The following PCDHGB7 variants were observed in gnomAD, a reference collection of about 807,000 sequenced individuals.
The protein encoded by PCDHGB7 is protocadherin gamma subfamily B, 7, also known as protocadherin gamma-B7.
In PCDHGB7, 37 loss-of-function variants were observed where a neutral mutation model predicts 61.4. That is an observed-to-expected ratio of 0.60 (90% CI 0.46 to 0.79). The LOEUF is 0.79. Among genes scored for constraint, PCDHGB7 ranks in the 30% least tolerant of loss-of-function variants. The probability of loss-of-function intolerance (pLI) is 0.00; values close to 1 mark genes in which losing one functional copy is unlikely to be tolerated. For missense variants in PCDHGB7, 1,166 were observed against 1,202.5 expected, an observed-to-expected ratio of 0.97 and a Z score of 0.45; for synonymous variants, 464 against 503.5, an observed-to-expected ratio of 0.92 and a Z score of 1.05.
intron 1 of PCDHGB7, among the ~76,000 whole-genome samples, chr5:141,448,768 G>A (rs544426582): frequency 1.3e-5 from 2 of 151,632 alleles, no homozygotes; most frequent in Non-Finnish European, 2.9e-5. Flanking sequence ...GTGAAACCCC[G>A]TCTGTACTAA....
intron 1 of PCDHGB7, chr5:141,428,181 AG>A (rs776102500): frequency 6.7e-7 from 1 of 1,486,230 alleles, no homozygotes; most frequent in Admixed American, 1.8e-5. Context: ...GACGGAGGAC[AG>A]CCGCCGCTCT....
chr5:141,500,005 G>A (rs994274763), intron 2 of PCDHGB7, among the ~76,000 whole-genome samples: 30 of 151,476 alleles, frequency 2.0e-4, no homozygotes, highest in Non-Finnish European at 3.8e-4. Context: ...TCTTTCATAA[G>A]GTCCACATTT....
At chr5:141,426,916 A>T (rs1227752756) in intron 1 of PCDHGB7, 2 of 456,618 alleles carry the variant, frequency 4.4e-6, no homozygotes, top group Non-Finnish European at 4.4e-6. Context: ...CTGGTCCTGG[A>T]AGCAATGGAC....
Position 141,507,906 on chromosome 5 carries a change from G to A in PCDHGB7, c.2563+2425G>A, listed in dbSNP as rs2099864753. ...AGAGAGGTTCCTGAAGTCCAGCCCA[G>A]CCAGGCCTGTGGGGCTGCTGAGAGG... On this transcript the variant is annotated intron_variant, in intron 3 of 3. Coordinates refer to ENST00000398594, the MANE Select transcript of PCDHGB7 (RefSeq NM_018927.4). Among the ~76,000 whole-genome samples, 4 of 152,216 alleles carry A rather than the reference G, an allele frequency of 2.6e-5. No homozygotes were observed. The South Asian group carries it at 8.3e-4, about 32-fold the overall frequency.
At chr5:141,510,658 A>G (rs1162885805) in intron 3 of PCDHGB7, among the ~76,000 whole-genome samples, 1 of 152,178 alleles carries the variant, frequency 6.6e-6, no homozygotes, top group African/African-American at 2.4e-5. Context: ...CATTTTGCAG[A>G]TGAGAAAACT....
chr5:141,427,960 G>A, intron 1 of PCDHGB7: 2 of 1,589,168 alleles, frequency 1.3e-6, no homozygotes, highest in East Asian at 2.2e-5. Context: ...AATGTGCCGC[G>A]GGTGCTGTAC....
At chr5:141,456,837 C>G (rs550771859) in intron 1 of PCDHGB7, among the ~76,000 whole-genome samples, 70 of 152,194 alleles carry the variant, frequency 4.6e-4, no homozygotes, top group Non-Finnish European at 8.2e-4. Context: ...GTAGTGGGCG[C>G]CTGTAATCCC....
At position 141,419,197 on chromosome 5, in the gene PCDHGB7, T is replaced by C. The variant is rs560134083; in HGVS notation, c.1338T>C (p.Asn446=). The C allele has an allele frequency of 1.2e-6, 2 of 1,613,966 alleles. No individual in the cohort carries two copies. Among genetic ancestry groups the C allele is most frequent in the South Asian group, 1.1e-5 (1 of 91,084 alleles). ...KTITLHITDV[N]DNAPVFGQSA... The stretch of plus-strand genomic sequence containing the variant: ...TAACCCTGCACATTACTGACGTCAA[T>C]GACAACGCGCCGGTTTTCGGACAGT... The change falls in exon 1 of 4, where the codon AAT becomes AAC. Residue 446 remains asparagine, a synonymous_variant. Transcript: ENST00000398594.
Position 141,486,558 on chromosome 5 carries a change from T to C in PCDHGB7, c.2416-8249T>C, listed in dbSNP as rs544575797. 1 of 1,614,034 alleles carries C rather than the reference T, an allele frequency of 6.2e-7. No homozygotes were observed. Among genetic ancestry groups the C allele is most frequent in the Non-Finnish European group, 8.5e-7 (1 of 1,180,012 alleles). ...TCTTTCTTTCAGAGGTCACATGAGG[T>C]GTTTGTTCCTGAGAACAATCGCCCA... On this transcript the variant is annotated intron_variant, in intron 1 of 3. Coordinates refer to ENST00000398594, the MANE Select transcript of PCDHGB7 (RefSeq NM_018927.4). This position sits in a 1 kb window ranked among gnomAD's most constrained non-coding sequence, Gnocchi z 5.0.
chr5:141,419,656 G>C lies in PCDHGB7; in HGVS notation c.1797G>C (p.Gly599=). The C allele has an allele frequency of 1.9e-6, 3 of 1,612,648 alleles. No homozygotes were observed. The East Asian group carries it at 6.7e-5, about 36-fold the overall frequency. ...TGGTGGCCGTGGACGCGGACTCGGGGCACAATGCCTGGCTGTCCTACCACG... is the reference window on the plus strand; with the variant it reads ...TGGTGGCCGTGGACGCGGACTCGGGCCACAATGCCTGGCTGTCCTACCACG... ...TKVVAVDADS[G]HNAWLSYHVV... Residue 599 remains glycine (G), a synonymous_variant, in exon 1 of 4, where the codon GGG becomes GGC. Transcript: ENST00000398594.
At chr5:141,501,328 CA>C (rs1446948770) in intron 2 of PCDHGB7, among the ~76,000 whole-genome samples, 83 of 151,828 alleles carry the variant, frequency 5.5e-4, no homozygotes, top group Admixed American at 2.2e-3. Context: ...CACACACACA[CA>C]CACACCCCAA....
intron 1 of PCDHGB7, among the ~76,000 whole-genome samples, chr5:141,445,937 A>C (rs2098482193): frequency 6.6e-6 from 1 of 152,202 alleles, no homozygotes; most frequent in African/African-American, 2.4e-5. Flanking sequence ...TGAATTATTA[A>C]GCTTACTCTG....
intron 1 of PCDHGB7, among the ~76,000 whole-genome samples, chr5:141,447,375 T>C (rs1431576261): frequency 6.6e-6 from 1 of 152,030 alleles, no homozygotes; most frequent in African/African-American, 2.4e-5. Context: ...CTGACCCTGG[T>C]GATCTGCCCA....
At chr5:141,468,403 A>C (rs2099166784) in intron 1 of PCDHGB7, 1 of 152,088 alleles carries the variant, frequency 6.6e-6, no homozygotes, top group African/African-American at 2.4e-5. Flanking sequence ...GGTGAGAACT[A>C]ATAATAAGTT....
chr5:141,496,251 G>A (rs746722054), intron 2 of PCDHGB7, among the ~76,000 whole-genome samples: 7 of 152,150 alleles, frequency 4.6e-5, no homozygotes, highest in African/African-American at 7.2e-5. Context: ...TGAAGGGGAG[G>A]GAAACTTCAG....
chr5:141,487,593 C>G lies in PCDHGB7; in HGVS notation c.2416-7214C>G. The G allele has an allele frequency of 6.2e-7, 1 of 1,614,206 alleles. No homozygotes were observed. Among genetic ancestry groups the G allele is most frequent in the African/African-American group, 1.3e-5 (1 of 75,062 alleles). On this transcript the variant is annotated intron_variant, in intron 1 of 3. Coordinates refer to ENST00000398594, the MANE Select transcript of PCDHGB7 (RefSeq NM_018927.4). This position sits in a 1 kb window ranked among gnomAD's most constrained non-coding sequence, Gnocchi z 5.0. ...CCTGTTCGCCCAAGCTGCCCACCCT[C>G]TGATCTTCTCTATGGGCTAGAGGTG...
intron 1 of PCDHGB7, among the ~76,000 whole-genome samples, chr5:141,434,831 A>T (rs1328843764): frequency 6.6e-6 from 1 of 151,904 alleles, no homozygotes; most frequent in East Asian, 1.9e-4. Flanking sequence ...TACACTTGGC[A>T]TTTATAAAGC....
chr5:141,425,490 G>T (rs2096878933), intron 1 of PCDHGB7, among the ~76,000 whole-genome samples: 1 of 152,122 alleles, frequency 6.6e-6, no homozygotes, highest in Non-Finnish European at 1.5e-5. Context: ...AACCTACTAG[G>T]CTATACCTTT....
At chr5:141,480,738 T>C (rs2099524955) in intron 1 of PCDHGB7, among the ~76,000 whole-genome samples, 1 of 152,124 alleles carries the variant, frequency 6.6e-6, no homozygotes, top group Admixed American at 6.5e-5. Flanking sequence ...GGGTGGGACA[T>C]AGGCATCATT....
Sources: allele counts gnomAD v4.1 joint callset (sites outside exome capture counted in the v4.1 genomes callset), GRCh38; gene constraint gnomAD v4.1.1; non-coding constraint Gnocchi (gnomAD v3.1); transcripts MANE v1.5; gene names NCBI Gene and HGNC (gene_info 2026-07-23, HGNC 2026-07-21).